Variants in RAB38 observed in about 807,000 individuals in gnomAD.
RAB38 encodes ras-related protein Rab-38.
A neutral mutation model predicts 18.4 loss-of-function variants in RAB38; 15 were observed. The ratio of observed to expected loss-of-function variants is 0.82; its 90% CI spans 0.55 to 1.26. The LOEUF (loss-of-function observed/expected upper bound fraction) is 1.26, where lower values mean the gene tolerates loss of function less well. Among genes scored for constraint, RAB38 ranks in the 50% most tolerant of loss-of-function variants. The pLI is 0.00. For synonymous variants in RAB38, 101 were observed against 104.4 expected, an observed-to-expected ratio of 0.97 and a Z score of 0.20; for missense variants, 294 against 267.4, an observed-to-expected ratio of 1.10 and a Z score of -0.69.
At chr11:88,081,036 C>T in the RAB38 span, among the ~76,000 whole-genome samples, 1 of 151,866 alleles carries the variant, frequency 6.6e-6, no homozygotes, top group South Asian at 2.1e-4. Context: ...AAAAAATACT[C>T]ATTTAAAGAT....
chr11:88,134,096 T>C (rs528362892), intron 2 of RAB38, among the ~76,000 whole-genome samples: 2 of 152,338 alleles, frequency 1.3e-5, no homozygotes, highest in African/African-American at 4.8e-5. Flanking sequence ...AACTGCAGAA[T>C]CATACATAAC....
chr11:88,165,336 C>CT (rs572464246), intron 1 of RAB38, among the ~76,000 whole-genome samples: 2 of 152,018 alleles, frequency 1.3e-5, no homozygotes, highest in Non-Finnish European at 2.9e-5. Context: ...GCTTGTTTAT[C>CT]TTTTTTCTGG....
At chr11:88,010,394 G>T in the RAB38 span, among the ~76,000 whole-genome samples, 5 of 152,200 alleles carry the variant, frequency 3.3e-5, no homozygotes, top group Non-Finnish European at 7.4e-5. Context: ...TGATGTGGTT[G>T]CCAGATGTAT....
At chr11:88,155,752 G>A (rs11602406) in intron 1 of RAB38, among the ~76,000 whole-genome samples, 37,436 of 152,088 alleles carry the variant, frequency 0.25, 4,655 homozygotes, top group Admixed American at 0.27. Context: ...GCAGCTCAAT[G>A]AGATCCAATA....
the RAB38 span, among the ~76,000 whole-genome samples, chr11:87,951,815 G>C: frequency 6.6e-6 from 1 of 152,126 alleles, no homozygotes; most frequent in African/African-American, 2.4e-5. Flanking sequence ...CTACTGGGGG[G>C]GTGCCTCCCA....
chr11:87,964,186 G>A, the RAB38 span, among the ~76,000 whole-genome samples: 1 of 152,064 alleles, frequency 6.6e-6, no homozygotes, highest in Non-Finnish European at 1.5e-5. Context: ...TAGGTCAGCT[G>A]ACTGGTTTTA....
the RAB38 span, among the ~76,000 whole-genome samples, chr11:88,028,571 A>C: frequency 6.6e-6 from 1 of 152,240 alleles, no homozygotes; most frequent in Non-Finnish European, 1.5e-5. Context: ...CTCGAAAACT[A>C]CATGAAGAAT....
intron 2 of RAB38, among the ~76,000 whole-genome samples, chr11:88,147,525 G>A (rs1272040542): frequency 1.3e-5 from 2 of 149,674 alleles, no homozygotes; most frequent in African/African-American, 2.5e-5. Context: ...TGAGTGTGGC[G>A]CTAAAAGGAA....
At chr11:88,164,324 A>C (rs1943223192) in intron 1 of RAB38, among the ~76,000 whole-genome samples, 1 of 147,278 alleles carries the variant, frequency 6.8e-6, no homozygotes, top group Non-Finnish European at 1.5e-5. Context: ...CAAGGCAAAT[A>C]CGGTAGTACT....
At chr11:87,889,523 T>C in the RAB38 span, among the ~76,000 whole-genome samples, 1 of 151,906 alleles carries the variant, frequency 6.6e-6, no homozygotes, top group East Asian at 2.0e-4. Context: ...TGATCAGTAA[T>C]AATAATGATA....
the RAB38 span, among the ~76,000 whole-genome samples, chr11:88,028,043 C>T: frequency 1.3e-5 from 2 of 152,178 alleles, no homozygotes; most frequent in East Asian, 1.9e-4. Context: ...TCCAGAAGAA[C>T]GATCAGACAG....
intron 2 of RAB38, among the ~76,000 whole-genome samples, chr11:88,118,566 A>G (rs1431146728): frequency 6.6e-6 from 1 of 152,202 alleles, no homozygotes; most frequent in African/African-American, 2.4e-5. Context: ...GGAAATTTTC[A>G]TTTGCATTTA....
chr11:87,906,185 G>C, the RAB38 span, among the ~76,000 whole-genome samples: 1 of 151,894 alleles, frequency 6.6e-6, no homozygotes, highest in Non-Finnish European at 1.5e-5. Flanking sequence ...TAACATGTGA[G>C]AATCAGGAGT....
the RAB38 span, among the ~76,000 whole-genome samples, chr11:88,089,766 C>T: frequency 1.2e-4 from 19 of 152,064 alleles, no homozygotes; most frequent in African/African-American, 3.9e-4. Flanking sequence ...ACATAAAAAA[C>T]GGCACATGAA....
rs36004367 is a variant in RAB38, at chr11:88,128,495, C to T, written c.484-14355G>A. Among the ~76,000 whole-genome samples, 447 of 152,318 alleles carry T rather than the reference C, an allele frequency of 2.9e-3. 2 individuals carry two copies. The highest frequency in any genetic ancestry group is 3.5e-3 in the Non-Finnish European group (238 of 68,022). On this transcript the variant is annotated intron_variant, in intron 2 of 2. Coordinates refer to ENST00000243662, the MANE Select transcript of RAB38 (RefSeq NM_022337.3). Reference sequence around the variant, plus strand: ...CAGAAACCCATTGAATCACCTAGGCCATCTGGAGGGTAGCTCCCAGGAGTA... The same window carrying T: ...CAGAAACCCATTGAATCACCTAGGCTATCTGGAGGGTAGCTCCCAGGAGTA...
At chr11:87,806,408 CTT>C in the RAB38 span, among the ~76,000 whole-genome samples, 28 of 152,208 alleles carry the variant, frequency 1.8e-4, 2 homozygotes, top group South Asian at 5.8e-3. Flanking sequence ...CCTGAGGTCT[CTT>C]TTATAAGGGC....
chr11:88,111,417 G>A (rs1942472268), downstream of RAB38, among the ~76,000 whole-genome samples: 1 of 152,048 alleles, frequency 6.6e-6, no homozygotes, highest in Non-Finnish European at 1.5e-5. Flanking sequence ...TAGGCCTGAG[G>A]AGCCAAAATT....
At chr11:87,885,401 G>A in the RAB38 span, among the ~76,000 whole-genome samples, 2 of 150,532 alleles carry the variant, frequency 1.3e-5, no homozygotes, top group African/African-American at 4.9e-5. Flanking sequence ...TAGTTGCTCT[G>A]TTGCTACACT....
chr11:88,046,880 C>A, the RAB38 span, among the ~76,000 whole-genome samples: 2 of 152,286 alleles, frequency 1.3e-5, no homozygotes, highest in African/African-American at 4.8e-5. Context: ...ACTGCCCTCA[C>A]CCTAGCTCTC....
Sources: gnomAD v4.1 joint callset for allele counts (sites outside exome capture counted in the v4.1 genomes callset) on GRCh38, gnomAD v4.1.1 for gene constraint, MANE v1.5 for transcripts, NCBI Gene and HGNC (gene_info 2026-07-23, HGNC 2026-07-21) for gene names.